Variants in UNC13B observed in about 807,000 individuals in gnomAD.
UNC13B encodes unc-13 homolog B, also known as protein unc-13 homolog B.
In UNC13B, 144 loss-of-function variants were observed where a neutral mutation model predicts 211.0. The observed-to-expected ratio is 0.68, with a 90% CI of 0.60 to 0.78. The LOEUF (loss-of-function observed/expected upper bound fraction) is 0.78, where lower values mean the gene tolerates loss of function less well. Ranked by LOEUF, UNC13B falls within the 30% of genes least tolerant of loss-of-function variation. The pLI is 0.00. For missense variants in UNC13B, 1,777 were observed against 2,002.0 expected, an observed-to-expected ratio of 0.89 and a Z score of 2.14; for synonymous variants, 709 against 725.8, an observed-to-expected ratio of 0.98 and a Z score of 0.37.
chr9:35,377,685 C>T lies in UNC13B; in HGVS notation c.10053C>T (p.Ile3351=). The change falls in exon 16 of 40, where the codon ATC becomes ATT. Residue 3351 remains isoleucine, a synonymous_variant. Coordinates refer to ENST00000635942, the MANE Select transcript of UNC13B (RefSeq NM_001371189.2). Reference sequence around the variant, plus strand: ...GCACCTCCAAATGGTCAGCCAAGATCACCATTACTGGTGAGCAGGCCACAG... The same window carrying T: ...GCACCTCCAAATGGTCAGCCAAGATTACCATTACTGGTGAGCAGGCCACAG... ...LDGTSKWSAK[I]TITVVCAQGL... 2 of 1,613,828 alleles carry T rather than the reference C, an allele frequency of 1.2e-6. No homozygotes were observed. The highest frequency in any genetic ancestry group is 1.7e-6 in the Non-Finnish European group (2 of 1,179,936).
intron 1 of UNC13B, among the ~76,000 whole-genome samples, chr9:35,184,807 GGGGGGGGGAGA>G (rs1822260354): frequency 1.5e-4 from 1 of 6,832 alleles, no homozygotes; most frequent in South Asian, 7.6e-3. Context: ...GAAGCGGGGG[GGGGGGGGGAGA>G]GAGAGAGAGA....
At chr9:35,269,534 C>A (rs779562172) in intron 7 of UNC13B, among the ~76,000 whole-genome samples, 3 of 152,306 alleles carry the variant, frequency 2.0e-5, no homozygotes, top group Non-Finnish European at 2.9e-5. Flanking sequence ...ATTGGCTCAA[C>A]CTTCAGCCCC....
At chr9:35,296,650 A>G (rs944844810) in intron 8 of UNC13B, among the ~76,000 whole-genome samples, 6 of 152,230 alleles carry the variant, frequency 3.9e-5, no homozygotes, top group African/African-American at 1.4e-4. Flanking sequence ...ACATAATTCA[A>G]TGAAAACCCA....
intron 6 of UNC13B, among the ~76,000 whole-genome samples, chr9:35,246,911 G>T (rs1352555402): frequency 1.3e-5 from 2 of 152,110 alleles, no homozygotes; most frequent in East Asian, 3.9e-4. Flanking sequence ...GCTTGATGGG[G>T]GGATGGCATT....
rs1230911763 is a variant in UNC13B, at chr9:35,293,291, CAA to C, written c.527-2401_527-2400del. Among the ~76,000 whole-genome samples the C allele has an allele frequency of 3.9e-5, 6 of 152,232 alleles. No homozygotes were observed. In the South Asian group the frequency reaches 1.2e-3, roughly 32 times the overall value. On this transcript the variant is annotated intron_variant, in intron 7 of 39. Coordinates refer to ENST00000635942, the MANE Select transcript of UNC13B (RefSeq NM_001371189.2). ...TCTCTGTTTAGCCTAGCAAAATAAA[CAA>C]AAAGCAGACTATTATTTAGGAGTAA...
rs1056919 is a variant in UNC13B at position 35,400,418 on chromosome 9, C to T, written c.12459C>T (p.Thr4153=). The change falls in exon 37 of 40, where the codon ACC becomes ACT. Residue 4153 remains threonine (T), a synonymous_variant. Transcript: ENST00000635942. ...YTQTTDTLIK[T]FVRSQTTQGS... ...AGACTACTGACACTCTCATCAAGAC[C>T]TTTGTGCGCTCGCAGACCACCCAAG... 2 of 1,613,718 alleles carry T rather than the reference C, an allele frequency of 1.2e-6. No homozygotes were observed.
At chr9:35,394,728 G>T (rs530357788) in intron 26 of UNC13B, among the ~76,000 whole-genome samples, 1 of 152,330 alleles carries the variant, frequency 6.6e-6, no homozygotes, top group Admixed American at 6.5e-5. Flanking sequence ...TTAGGTGGAA[G>T]TCAGGGGCAG....
rs1031774259 is a variant in UNC13B at position 35,351,848 on chromosome 9, A to G, written c.9415-15099A>G. On this transcript the variant is annotated intron_variant, in intron 11 of 39. Coordinates refer to ENST00000635942, the MANE Select transcript of UNC13B (RefSeq NM_001371189.2). ...GGATCCCTCATCTGTCAGCATTACCACAAGCTGTCAGGAGCCCTCAGAGAG... is the reference window on the plus strand; with the variant it reads ...GGATCCCTCATCTGTCAGCATTACCGCAAGCTGTCAGGAGCCCTCAGAGAG... The G allele has an allele frequency of 4.1e-6, 5 of 1,232,126 alleles. No homozygotes were observed. In the African/African-American group the frequency reaches 7.8e-5, roughly 19 times the overall value. The allele number at this position is 1,232,126 out of a possible 1,614,324, so 76.3% of individuals were successfully genotyped here. A position where few individuals can be genotyped will look rare whatever the true frequency, so the allele number is the denominator to read the frequency against.
chr9:35,384,999 C>T (rs1012964838), intron 22 of UNC13B: 4 of 970,652 alleles, frequency 4.1e-6, no homozygotes, highest in African/African-American at 1.8e-5. Context: ...TAATTGTCTG[C>T]ACTCAAGTGC....
At chr9:35,389,718 A>G in intron 24 of UNC13B, 128 bp from the exon 25 acceptor site, 1 of 955,676 alleles carries the variant, frequency 1.0e-6, no homozygotes, top group Non-Finnish European at 1.6e-6. Flanking sequence ...AGGCTCTAGG[A>G]GAGGAAAGGT....
chr9:35,288,505 T>C (rs1000269181), intron 7 of UNC13B, among the ~76,000 whole-genome samples: 14 of 152,234 alleles, frequency 9.2e-5, no homozygotes, highest in Non-Finnish European at 2.1e-4. Flanking sequence ...TTCTCAGTAC[T>C]AATGCCTAGC....
At chr9:35,313,211 A>C (rs73499354) in intron 10 of UNC13B, among the ~76,000 whole-genome samples, 3,944 of 152,286 alleles carry the variant, frequency 0.026, 172 homozygotes, top group African/African-American at 0.088. Context: ...AAATGACAAA[A>C]ACGAGTAGGA....
At chr9:35,397,462 G>C in intron 29 of UNC13B, 152 bp downstream of exon 29, 1 of 1,365,322 alleles carries the variant, frequency 7.3e-7, no homozygotes, top group South Asian at 1.4e-5. Flanking sequence ...CAGACAGATG[G>C]TTCTGTCTTA....
chr9:35,401,342 C>G (rs1836286897), intron 37 of UNC13B, among the ~76,000 whole-genome samples: 1 of 152,174 alleles, frequency 6.6e-6, no homozygotes, highest in Non-Finnish European at 1.5e-5. Flanking sequence ...AAGTACTGCT[C>G]TATTCCCCAT....
At position 35,303,673 on chromosome 9, in the gene UNC13B, G is replaced by A. The variant is rs935255527; in HGVS notation, c.4269G>A (p.Trp1423Ter). 44 of 398,576 alleles carry A rather than the reference G, an allele frequency of 1.1e-4. No individual in the cohort carries two copies. The highest frequency in any genetic ancestry group is 1.9e-4 in the Non-Finnish European group (42 of 225,812). 24.7% of individuals were successfully genotyped at this position (398,576 alleles called of 1,614,324 possible). Residue 1423 changes from tryptophan (W) to a stop codon, truncating the protein, a stop_gained, in exon 9 of 40, where the codon TGG becomes TGA. Coordinates refer to ENST00000635942, the MANE Select transcript of UNC13B (RefSeq NM_001371189.2). LOFTEE classifies it high-confidence loss of function. ...GAACAAATCCAAACAGTGTCATTTG[G>A]TGTGACTTACCATATGAATCATTCA... ...EWRTNPNSVI[W>*]CDLPYESFNQ...
In UNC13B at chr9:35,310,718, C is replaced by G; in HGVS notation, c.9260C>G (p.Ala3087Gly). Residue 3087 changes from alanine (A) to glycine (G), a missense_variant, in exon 10 of 40, where the codon GCC (alanine) becomes GGC (glycine). Transcript: ENST00000635942. ...GAACCCAAGGAGATGAAAGAAGATGCCACAACCCACCCTCCCCCAGATCTG... is the reference window on the plus strand; with the variant it reads ...GAACCCAAGGAGATGAAAGAAGATGGCACAACCCACCCTCCCCCAGATCTG... ...ACEPKEMKED[A>G]TTHPPPDLVL... 1 of 1,613,986 alleles carries G rather than the reference C, an allele frequency of 6.2e-7. No homozygotes were observed. The highest frequency in any genetic ancestry group is 8.5e-7 in the Non-Finnish European group (1 of 1,179,988).
intron 4 of UNC13B, among the ~76,000 whole-genome samples, chr9:35,237,130 C>G (rs1025276361): frequency 6.6e-6 from 1 of 152,178 alleles, no homozygotes; most frequent in African/African-American, 2.4e-5. Context: ...CCTCACTTTC[C>G]TAGACTAGAC....
intron 19 of UNC13B, 91 bp downstream of exon 19, chr9:35,381,306 A>C: frequency 5.0e-6 from 6 of 1,189,850 alleles, no homozygotes; most frequent in Non-Finnish European, 7.1e-6. Context: ...TTGGAATCCG[A>C]GGCCCATTTT....
chr9:35,316,637 AACTT>A (rs1281398862), intron 11 of UNC13B, among the ~76,000 whole-genome samples: 3 of 152,296 alleles, frequency 2.0e-5, no homozygotes, highest in Non-Finnish European at 1.5e-5. Flanking sequence ...ATGAGTTTTG[AACTT>A]ACTTGTTAAA....
Sources: gnomAD v4.1 joint callset for allele counts (sites outside exome capture counted in the v4.1 genomes callset) on GRCh38, gnomAD v4.1.1 for gene constraint, MANE v1.5 for transcripts, NCBI Gene and HGNC (gene_info 2026-07-23, HGNC 2026-07-21) for gene names.